The following SART3 variants were observed in gnomAD, a reference collection of about 807,000 sequenced individuals.
SART3 encodes the protein spliceosome associated factor 3, U4/U6 recycling protein.
Under a neutral mutation model 122.3 loss-of-function variants are expected in SART3, and 44 were observed. The ratio of observed to expected loss-of-function variants is 0.36; its 90% CI spans 0.28 to 0.46. SART3 has a LOEUF of 0.46. Ranked by LOEUF, SART3 falls within the 20% of genes least tolerant of loss-of-function variation. The pLI, the probability that SART3 is intolerant of heterozygous loss-of-function variation, is 1.00. For missense variants in SART3, 1,101 were observed against 1,229.0 expected, an observed-to-expected ratio of 0.90 and a Z score of 1.56; for synonymous variants, 442 against 454.0, an observed-to-expected ratio of 0.97 and a Z score of 0.34.
In SART3 at chr12:108,547,915, G is replaced by A; in HGVS notation, c.516C>T (p.Leu172=). The stretch of plus-strand genomic sequence containing the variant: ...TGTAATCCTTCACGGCTTTCTCAAA[G>A]AGGTCATACACGTGCTCTCTGTCCA... The part of the protein sequence containing the change: ...DGLDREHVYD[L]FEKAVKDYIC... Residue 172 remains leucine, a synonymous_variant, in exon 3 of 19, where the codon CTC becomes CTT. Transcript: ENST00000546815. The A allele has an allele frequency of 6.2e-7, 1 of 1,613,690 alleles. No homozygotes were observed. The highest frequency in any genetic ancestry group is 8.5e-7 in the Non-Finnish European group (1 of 1,179,954).
intron 16 of SART3, 119 bp from the exon 17 acceptor site, chr12:108,525,728 C>T (rs1872343156): frequency 9.4e-6 from 10 of 1,068,474 alleles, no homozygotes; most frequent in Non-Finnish European, 1.3e-5. Context: ...TAGAGCCAAG[C>T]CATGCTCTGA....
rs553272154 is a variant in SART3, at chr12:108,561,126, G to A, written c.29C>T (p.Ser10Leu). MATAAETSA[S>L]EPEAESKAGP... ...AGCCTTGGACTCAGCCTCGGGTTCT[G>A]AAGCCGAGGTTTCGGCCGCAGTCGC... The change falls in exon 1 of 19, where the codon TCA becomes TTA. Residue 10 changes from serine to leucine, a missense_variant. Transcript: ENST00000546815. 6.2e-6 allele frequency: 10 copies of A among 1,613,490 alleles called. No individual in the cohort carries two copies. The highest frequency in any genetic ancestry group is 2.2e-5 in the South Asian group (2 of 91,062).
intron 1 of SART3, among the ~76,000 whole-genome samples, chr12:108,555,596 C>T (rs1444151001): frequency 2.0e-5 from 3 of 152,114 alleles, no homozygotes; most frequent in African/African-American, 4.8e-5. Context: ...GCCCAGCAGG[C>T]GGAGGTTGCA....
chr12:108,524,926 C>G (rs931222045), intron 17 of SART3: 5 of 318,092 alleles, frequency 1.6e-5, no homozygotes, highest in African/African-American at 8.6e-5. Flanking sequence ...CTTTTTCTCT[C>G]CATTAACCTG....
chr12:108,558,543 A>G (rs1162031764), intron 1 of SART3, among the ~76,000 whole-genome samples: 1 of 152,028 alleles, frequency 6.6e-6, no homozygotes, highest in African/African-American at 2.4e-5. Flanking sequence ...CAAGCTGTGT[A>G]CCCTCACCAA....
At chr12:108,530,430 A>G in intron 14 of SART3, 120 bp from the exon 15 acceptor site, 2 of 1,139,266 alleles carry the variant, frequency 1.8e-6, no homozygotes, top group Non-Finnish European at 2.6e-6. Context: ...AGATCAGGAG[A>G]AAAACGTGGA....
intron 13 of SART3, chr12:108,531,950 C>T: frequency 2.4e-6 from 1 of 421,572 alleles, no homozygotes; most frequent in Non-Finnish European, 4.5e-6. Context: ...GCCAGGGATG[C>T]CCCTAAACAT....
intron 1 of SART3, among the ~76,000 whole-genome samples, chr12:108,557,339 G>A (rs895412576): frequency 4.0e-5 from 6 of 148,698 alleles, no homozygotes; most frequent in Admixed American, 1.4e-4. Flanking sequence ...TCAGCCTCCC[G>A]AGTAGCTGGG....
chr12:108,525,441 C>G lies in SART3; in HGVS notation c.2523+16G>C. The G allele has an allele frequency of 6.2e-7, 1 of 1,614,076 alleles. No individual in the cohort carries two copies. The highest frequency in any genetic ancestry group is 2.2e-5 in the East Asian group (1 of 44,888). ...CCAAGCCTTGAAGACAAGGCACAAT[C>G]TGCTCTGACTCTGACCTTTGGTTTG... On this transcript the variant is annotated intron_variant, in intron 17 of 18. Coordinates refer to ENST00000546815, the MANE Select transcript of SART3 (RefSeq NM_014706.4).
At position 108,538,142 on chromosome 12, in the gene SART3, C is replaced by A. The variant is rs1266763327; in HGVS notation, c.1124G>T (p.Cys375Phe). Reference sequence around the variant, plus strand: ...ACTCCATAAGGCAACTGTCCAGGGGCAGTTTCTAATAGCGCGGTTATGTAC... The same window carrying A: ...ACTCCATAAGGCAACTGTCCAGGGGAAGTTTCTAATAGCGCGGTTATGTAC... ...LSVHNRAIRNCPWTVALWSRY... is the reference protein window; with the variant it reads ...LSVHNRAIRNFPWTVALWSRY... The change falls in exon 8 of 19, where the codon TGC becomes TTC. Residue 375 changes from cysteine (C) to phenylalanine (F), a missense_variant. Cys to Phe is a radical substitution (Grantham distance 205). This residue lies in a region of SART3 where 885 missense variants were observed against 1,080.1 expected (regional missense o/e 0.82). Transcript: ENST00000546815. 1.2e-6 allele frequency: 2 copies of A among 1,614,078 alleles called. No individual in the cohort carries two copies. Among genetic ancestry groups the A allele is most frequent in the Non-Finnish European group, 1.7e-6 (2 of 1,180,026 alleles).
chr12:108,543,296 G>T, intron 5 of SART3, 144 bp from the exon 6 acceptor site: 1 of 960,606 alleles, frequency 1.0e-6, no homozygotes, highest in Non-Finnish European at 1.5e-6. Flanking sequence ...TCTGATTTCT[G>T]CTGAGCCCAA....
At chr12:108,544,616 G>T (rs1873319157) in intron 4 of SART3, 138 bp from the exon 5 acceptor site, 1 of 1,189,086 alleles carries the variant, frequency 8.4e-7, no homozygotes, top group Non-Finnish European at 1.2e-6. Flanking sequence ...ACCCTGGCTG[G>T]AGTGTGGTGG....
chr12:108,539,023 C>G lies in SART3; in HGVS notation c.973G>C (p.Asp325His). The part of the protein sequence containing the change: ...AYIDFEMKIG[D>H]PARIQLIFER... ...AAGATCAACTGAATGCGAGCAGGAT[C>G]GCCAATTTTCATCTCAAAATCGATA... The change falls in exon 7 of 19, where the codon GAT becomes CAT. Residue 325 changes from aspartate (D) to histidine (H), a missense_variant. Transcript: ENST00000546815. The G allele has an allele frequency of 6.2e-7, 1 of 1,614,208 alleles. No individual in the cohort carries two copies. The highest frequency in any genetic ancestry group is 8.5e-7 in the Non-Finnish European group (1 of 1,180,046).
intron 1 of SART3, among the ~76,000 whole-genome samples, chr12:108,558,345 A>G (rs2030321304): frequency 6.6e-6 from 1 of 152,178 alleles, no homozygotes; most frequent in Non-Finnish European, 1.5e-5. Context: ...GAGAAACTGG[A>G]CAAGTCCATT....
chr12:108,530,677 A>C (rs920234762), intron 14 of SART3, among the ~76,000 whole-genome samples: 11 of 152,118 alleles, frequency 7.2e-5, no homozygotes, highest in African/African-American at 2.7e-4. Flanking sequence ...TAACATGGTG[A>C]AACCCCATCT....
intron 1 of SART3, among the ~76,000 whole-genome samples, chr12:108,558,599 G>C (rs1431377048): frequency 1.3e-5 from 2 of 152,168 alleles, no homozygotes; most frequent in Admixed American, 6.5e-5. Flanking sequence ...CCACCTCACA[G>C]AATAGGCTCA....
At chr12:108,538,821 G>T in intron 7 of SART3, 113 bp downstream of exon 7, 1 of 1,308,228 alleles carries the variant, frequency 7.6e-7, no homozygotes, top group Non-Finnish European at 1.1e-6. Flanking sequence ...AGAAAAAGCA[G>T]ATGGAGGAAA....
intron 6 of SART3, among the ~76,000 whole-genome samples, chr12:108,539,605 A>G (rs1237239125): frequency 1.3e-5 from 2 of 152,234 alleles, no homozygotes; most frequent in Admixed American, 6.5e-5. Flanking sequence ...ATACAATCAA[A>G]TTCTTTTTAG....
rs775565331 is a variant in SART3 at position 108,538,891 on chromosome 12, C to A, written c.1062+43G>T. Reference sequence around the variant, plus strand: ...CACTCTTACTGATTTTAAGTAGATTCTAAATTGGCAAAAATAAAATGAAAT... The same window carrying A: ...CACTCTTACTGATTTTAAGTAGATTATAAATTGGCAAAAATAAAATGAAAT... On this transcript the variant is annotated intron_variant, in intron 7 of 18. Transcript: ENST00000546815. 4 of 1,613,276 alleles carry A rather than the reference C, an allele frequency of 2.5e-6. No individual in the cohort carries two copies. In the South Asian group the frequency reaches 4.4e-5, roughly 18 times the overall value.
Sources: gnomAD v4.1 joint callset for allele counts (sites outside exome capture counted in the v4.1 genomes callset) on GRCh38, gnomAD v4.1.1 for gene constraint, gnomAD v4.1.1 regional missense constraint, MANE v1.5 for transcripts, NCBI Gene and HGNC (gene_info 2026-07-23, HGNC 2026-07-21) for gene names.